Variants in KAZN observed in about 807,000 individuals in gnomAD.
KAZN encodes kazrin, periplakin interacting protein.
A neutral mutation model predicts 87.4 loss-of-function variants in KAZN; 40 were observed. The ratio of observed to expected loss-of-function variants is 0.46; its 90% CI spans 0.36 to 0.60. KAZN has a LOEUF of 0.60. KAZN is among the 20% of genes least tolerant of loss of function. The pLI, the probability that KAZN is intolerant of heterozygous loss-of-function variation, is 0.00. For missense variants in KAZN, 898 were observed against 1,073.9 expected (o/e 0.84, Z 2.29); for synonymous variants, 466 against 458.3 (o/e 1.02, Z -0.22).
chr1:14,153,437 A>G (rs11810060), intron 1 of KAZN, among the ~76,000 whole-genome samples: 18,835 of 152,150 alleles, frequency 0.12, 1,258 homozygotes, highest in East Asian at 0.33. Context: ...TCCCAGCTTC[A>G]TTTATGTCTT....
intron 2 of KAZN, among the ~76,000 whole-genome samples, chr1:14,393,465 C>T (rs1662626993): frequency 6.6e-6 from 1 of 152,136 alleles, no homozygotes; most frequent in Non-Finnish European, 1.5e-5. Context: ...ACTGAGGATC[C>T]TCTGTGTGCC....
At position 15,050,293 on chromosome 1, in the gene KAZN, G is replaced by C. The variant is rs145937161; in HGVS notation, c.727-5798G>C. Among the ~76,000 whole-genome samples, 121 of 152,266 alleles carry C rather than the reference G, an allele frequency of 7.9e-4. 1 individual carries two copies. The highest frequency in any genetic ancestry group is 2.9e-3 in the African/African-American group (120 of 41,546). ...ATCAGGCAGGCACGCTGCAGAACTCGGTCAGCGTTCACAGCTCTGTGCTGA... is the reference window on the plus strand; with the variant it reads ...ATCAGGCAGGCACGCTGCAGAACTCCGTCAGCGTTCACAGCTCTGTGCTGA... On this transcript the variant is annotated intron_variant, in intron 4 of 14. Transcript: ENST00000376030.
chr1:14,996,798 C>A lies in KAZN; in HGVS notation c.418+35923C>A, dbSNP rs1389096415. 6.6e-6 allele frequency among the ~76,000 whole-genome samples: 1 copy of A among 152,218 alleles called. No homozygotes were observed. Among genetic ancestry groups the A allele is most frequent in the African/African-American group, 2.4e-5 (1 of 41,458 alleles). ...GCAGGAAGACACACCACGGAGCCTC[C>A]CCGCTCCTGGTGCTCCAGGGCCTGC... On this transcript the variant is annotated intron_variant, in intron 2 of 14. Coordinates refer to ENST00000376030, the MANE Select transcript of KAZN (RefSeq NM_201628.3). The surrounding 1 kb of genome is among the most constrained non-coding windows in gnomAD (Gnocchi z 5.9).
chr1:14,536,934 T>A (rs771156289), intron 2 of KAZN, among the ~76,000 whole-genome samples: 1 of 152,086 alleles, frequency 6.6e-6, no homozygotes, highest in Non-Finnish European at 1.5e-5. Context: ...CCCTCTTTGG[T>A]TCTCTCTTCC....
chr1:14,808,482 G>A (rs926440195), intron 1 of KAZN, among the ~76,000 whole-genome samples: 1 of 150,334 alleles, frequency 6.7e-6, no homozygotes, highest in South Asian at 2.1e-4. Context: ...TTTTTTAGTA[G>A]AGACGGGGTT....
chr1:14,984,018 A>G (rs2101909042), intron 2 of KAZN, among the ~76,000 whole-genome samples: 1 of 152,308 alleles, frequency 6.6e-6, no homozygotes, highest in East Asian at 1.9e-4. Context: ...GTTTATATAG[A>G]TTTGTAGGCA....
intron 1 of KAZN, among the ~76,000 whole-genome samples, chr1:13,895,199 T>G (rs1638990823): frequency 6.6e-6 from 1 of 152,186 alleles, no homozygotes; most frequent in African/African-American, 2.4e-5. Flanking sequence ...CCCACTGCAC[T>G]CCTAACTTGA....
chr1:14,632,183 G>T (rs1276540911), intron 1 of KAZN, among the ~76,000 whole-genome samples: 1 of 152,160 alleles, frequency 6.6e-6, no homozygotes, highest in Non-Finnish European at 1.5e-5. Flanking sequence ...GCTTTCTGGG[G>T]TGGGGACGGG....
chr1:14,216,303 T>A (rs1646955370), intron 2 of KAZN, among the ~76,000 whole-genome samples: 1 of 151,966 alleles, frequency 6.6e-6, no homozygotes. Flanking sequence ...TACTAGCAGG[T>A]GAATAAAAAG....
chr1:14,230,675 C>A (rs1262833415), intron 2 of KAZN, among the ~76,000 whole-genome samples: 2 of 152,116 alleles, frequency 1.3e-5, no homozygotes, highest in African/African-American at 4.8e-5. Flanking sequence ...ATGTGACTCC[C>A]CTGTAAGATT....
At chr1:14,511,933 C>T (rs181921099) in intron 2 of KAZN, among the ~76,000 whole-genome samples, 183 of 152,204 alleles carry the variant, frequency 1.2e-3, no homozygotes, top group African/African-American at 4.3e-3. Flanking sequence ...AACAAAGCTG[C>T]TTATCCACTA....
intron 1 of KAZN, among the ~76,000 whole-genome samples, chr1:14,646,568 A>C (rs12354173): frequency 0.077 from 11,785 of 152,148 alleles, 710 homozygotes; most frequent in African/African-American, 0.16. Flanking sequence ...GGCACTGCTG[A>C]CATTTGCAGC....
chr1:14,946,061 A>G (rs1661729778), intron 1 of KAZN: 1 of 322,706 alleles, frequency 3.1e-6, no homozygotes. Flanking sequence ...ACACAAGGAC[A>G]GGGAAGTGAC....
intron 2 of KAZN, among the ~76,000 whole-genome samples, chr1:14,964,778 G>A (rs765108078): frequency 9.9e-5 from 15 of 152,172 alleles, no homozygotes; most frequent in African/African-American, 1.9e-4. Context: ...CTGCCCCACC[G>A]TCTTTGTGTT....
At chr1:14,072,159 T>C (rs1033807728) in intron 1 of KAZN, among the ~76,000 whole-genome samples, 2 of 152,202 alleles carry the variant, frequency 1.3e-5, no homozygotes, top group African/African-American at 4.8e-5. Context: ...ATGAGGATGA[T>C]GATGGTGATG....
intron 2 of KAZN, among the ~76,000 whole-genome samples, chr1:14,339,214 A>G (rs1295418812): frequency 1.3e-5 from 2 of 152,228 alleles, no homozygotes; most frequent in African/African-American, 4.8e-5. Flanking sequence ...CCCAAATGCT[A>G]TCATCCCTCA....
intron 4 of KAZN, 56 bp downstream of exon 4, chr1:15,044,215 G>T (rs1673228253): frequency 1.4e-6 from 2 of 1,443,428 alleles, no homozygotes; most frequent in African/African-American, 2.8e-5. Context: ...GCCGTGCTGG[G>T]AGCCGGGACG....
chr1:14,552,414 C>A (rs1180820344), intron 2 of KAZN, among the ~76,000 whole-genome samples: 1 of 152,240 alleles, frequency 6.6e-6, no homozygotes, highest in African/African-American at 2.4e-5. Context: ...TCCCCACCCT[C>A]CGTACCACGG....
At chr1:13,964,162 T>A (rs957046390) in intron 1 of KAZN, among the ~76,000 whole-genome samples, 1 of 152,222 alleles carries the variant, frequency 6.6e-6, no homozygotes, top group Non-Finnish European at 1.5e-5. Context: ...AGGCATATTC[T>A]ATGTGCATCA....
Sources: allele counts gnomAD v4.1 joint callset (sites outside exome capture counted in the v4.1 genomes callset), GRCh38; gene constraint gnomAD v4.1.1; non-coding constraint Gnocchi (gnomAD v3.1); transcripts MANE v1.5; gene names NCBI Gene and HGNC (gene_info 2026-07-23, HGNC 2026-07-21).